Variants in EZH2 observed in about 807,000 individuals in gnomAD.
EZH2 encodes enhancer of zeste 2 polycomb repressive complex 2 subunit.
In EZH2, 18 loss-of-function variants were observed where a neutral mutation model predicts 98.4. The ratio of observed to expected loss-of-function variants is 0.18; its 90% CI spans 0.13 to 0.27. The LOEUF is 0.27. Among genes scored for constraint, EZH2 ranks in the 10% least tolerant of loss-of-function variants. EZH2 has a pLI of 1.00. For synonymous variants in EZH2, 338 were observed against 312.3 expected, an observed-to-expected ratio of 1.08 and a Z score of -0.87; for missense variants, 470 against 935.1, an observed-to-expected ratio of 0.50 and a Z score of 6.49.
intron 1 of EZH2, among the ~76,000 whole-genome samples, chr7:148,872,367 CAGAATTTCAGTTCT>C (rs1471298433): frequency 9.2e-5 from 14 of 152,104 alleles, no homozygotes; most frequent in Non-Finnish European, 1.6e-4. Flanking sequence ...TCAATGGGTA[CAGAATTTCAGTTCT>C]GCAAGACAAA....
chr7:148,872,871 G>T (rs1209466029), intron 1 of EZH2, among the ~76,000 whole-genome samples: 1 of 151,518 alleles, frequency 6.6e-6, no homozygotes, highest in Non-Finnish European at 1.5e-5. Flanking sequence ...AAGACATCTT[G>T]ATATACTATG....
intron 4 of EZH2, among the ~76,000 whole-genome samples, chr7:148,830,883 G>A (rs117343722): frequency 0.024 from 3,669 of 152,330 alleles, 62 homozygotes; most frequent in Admixed American, 0.039. Flanking sequence ...TGAAGTACAT[G>A]TTTAAAGAGA....
At chr7:148,870,739 G>A (rs1289557048) in intron 1 of EZH2, among the ~76,000 whole-genome samples, 1 of 150,874 alleles carries the variant, frequency 6.6e-6, no homozygotes, top group Non-Finnish European at 1.5e-5. Flanking sequence ...TTACCAGCCA[G>A]GCCAACATGG....
chr7:148,858,777 T>C (rs1248778195), intron 1 of EZH2, among the ~76,000 whole-genome samples: 1 of 152,092 alleles, frequency 6.6e-6, no homozygotes. Context: ...CAGAAACTGT[T>C]ACACAAACAA....
At chr7:148,819,299 C>T (rs538596961) in intron 9 of EZH2, among the ~76,000 whole-genome samples, 12 of 152,316 alleles carry the variant, frequency 7.9e-5, no homozygotes, top group African/African-American at 2.9e-4. Flanking sequence ...AGCGGACTAT[C>T]TGTGCCTTGC....
At chr7:148,859,203 C>G (rs1021874779) in intron 1 of EZH2, among the ~76,000 whole-genome samples, 3 of 152,048 alleles carry the variant, frequency 2.0e-5, no homozygotes, top group Non-Finnish European at 4.4e-5. Context: ...TCTAGTTGGA[C>G]AGAAACAGTT....
In EZH2 at chr7:148,837,698, C is replaced by T. The variant is rs76505368; in HGVS notation, c.247-4948G>A. Among the ~76,000 whole-genome samples, 587 of 152,000 alleles carry T rather than the reference C, an allele frequency of 3.9e-3. 2 individuals are homozygous for T. Among genetic ancestry groups the T allele is most frequent in the African/African-American group, 0.013 (550 of 41,454 alleles). On this transcript the variant is annotated intron_variant, in intron 3 of 19. Transcript: ENST00000320356. ...AAAATAGGAGAAGGGAGATTGAAGA[C>T]GACACTTGAAAAGAAATGAGTCGCT... is the stretch of plus-strand genomic sequence containing the variant.
At chr7:148,867,271 G>C (rs1243856605) in intron 1 of EZH2, among the ~76,000 whole-genome samples, 2 of 151,826 alleles carry the variant, frequency 1.3e-5, no homozygotes, top group Admixed American at 6.6e-5. Context: ...GGTTGCAGTG[G>C]GCCGAGATCG....
chr7:148,864,628 T>C (rs1378571057), intron 1 of EZH2, among the ~76,000 whole-genome samples: 3 of 140,822 alleles, frequency 2.1e-5, no homozygotes, highest in Non-Finnish European at 4.5e-5. Context: ...AAGGCTGCAG[T>C]GAGCCAAGAT....
At chr7:148,879,568 G>T (rs2129495079) in intron 1 of EZH2, among the ~76,000 whole-genome samples, 1 of 152,000 alleles carries the variant, frequency 6.6e-6, no homozygotes, top group African/African-American at 2.4e-5. Flanking sequence ...GTGCATGCCT[G>T]TAATCCCAAC....
rs781431240 is a variant in EZH2, at chr7:148,818,030, G to A, written c.1087C>T (p.Leu363Phe). 1.9e-6 allele frequency: 3 copies of A among 1,614,120 alleles called. No homozygotes were observed. The highest frequency in any genetic ancestry group is 1.7e-5 in the Admixed American group (1 of 60,010). Reference sequence around the variant, plus strand: ...CTGGGCCTGCTACTGTTATTGGGAAGCCGTCCTCTTCTGCGGCCTCCTGGA... The same window carrying A: ...CTGGGCCTGCTACTGTTATTGGGAAACCGTCCTCTTCTGCGGCCTCCTGGA... ...KRPGGRRRGR[L>F]PNNSSRPSTP... The change falls in exon 10 of 20, where the codon CTT becomes TTT. Residue 363 changes from leucine (L) to phenylalanine (F), a missense_variant. This residue lies in a region of EZH2 where 192 missense variants were observed against 306.8 expected (regional missense o/e 0.63). Coordinates refer to ENST00000320356, the MANE Select transcript of EZH2 (RefSeq NM_004456.5).
chr7:148,818,145 G>C (rs761989203), intron 9 of EZH2, 28 bp from the exon 10 acceptor site: 3 of 1,514,078 alleles, frequency 2.0e-6, no homozygotes, highest in East Asian at 2.3e-5. Flanking sequence ...TCAACATCAG[G>C]GCAAAGTTCT....
intron 1 of EZH2, among the ~76,000 whole-genome samples, chr7:148,879,452 A>G (rs1275983996): frequency 1.3e-5 from 2 of 152,010 alleles, no homozygotes; most frequent in South Asian, 2.1e-4. Context: ...GTACTTTGGG[A>G]GGCCAGGGCA....
intron 14 of EZH2, among the ~76,000 whole-genome samples, 178 bp downstream of exon 14, chr7:148,814,736 C>T (rs1032350945): frequency 6.6e-6 from 1 of 152,136 alleles, no homozygotes. Flanking sequence ...AACACCCAGG[C>T]GACTGACTGG....
chr7:148,868,448 T>C (rs1818853223), intron 1 of EZH2, among the ~76,000 whole-genome samples: 1 of 151,998 alleles, frequency 6.6e-6, no homozygotes, highest in African/African-American at 2.4e-5. Context: ...AACAACCAGA[T>C]CTCACGAGAA....
intron 1 of EZH2, among the ~76,000 whole-genome samples, chr7:148,872,331 G>T (rs1030796274): frequency 9.9e-5 from 15 of 152,138 alleles, no homozygotes; most frequent in African/African-American, 3.6e-4. Context: ...AAGAATTTGG[G>T]GGGAGGGGGA....
rs1314292412 is a variant in EZH2, at chr7:148,847,296, CATG to C, written c.-1_2del. ...TCTCAGATTTCTTCCCAGTCTGGCC[CATG>C]ATTATTCTAAAAGCAATGGTTTCAT... On this transcript the variant is annotated start_lost and start_retained_variant and 5_prime_UTR_variant, in exon 2 of 20. Coordinates refer to ENST00000320356, the MANE Select transcript of EZH2 (RefSeq NM_004456.5). 8.1e-6 allele frequency: 13 copies of C among 1,613,324 alleles called. No homozygotes were observed. Among genetic ancestry groups the C allele is most frequent in the Non-Finnish European group, 1.1e-5 (13 of 1,179,834 alleles).
chr7:148,843,518 T>C (rs1189473176), intron 3 of EZH2, among the ~76,000 whole-genome samples: 3 of 151,622 alleles, frequency 2.0e-5, no homozygotes, highest in African/African-American at 7.3e-5. Context: ...CCAAAATAAC[T>C]TGGAGAAAAT....
chr7:148,851,331 T>C (rs1015853559), intron 1 of EZH2, among the ~76,000 whole-genome samples: 9 of 152,156 alleles, frequency 5.9e-5, no homozygotes, highest in Admixed American at 5.9e-4. Flanking sequence ...GGAATTTCTT[T>C]TTTAAAAGGA....
Sources: gnomAD v4.1 joint callset for allele counts (sites outside exome capture counted in the v4.1 genomes callset) on GRCh38, gnomAD v4.1.1 for gene constraint, gnomAD v4.1.1 regional missense constraint, MANE v1.5 for transcripts, NCBI Gene and HGNC (gene_info 2026-07-23, HGNC 2026-07-21) for gene names.